Variants in CLSTN1 observed in about 807,000 individuals in gnomAD.
CLSTN1 encodes the protein calsyntenin-1.
Under a neutral mutation model 108.3 loss-of-function variants are expected in CLSTN1, and 28 were observed. That is an observed-to-expected ratio of 0.26 (90% CI 0.19 to 0.35). The LOEUF (loss-of-function observed/expected upper bound fraction) is 0.35, where lower values mean the gene tolerates loss of function less well. CLSTN1 is among the 10% of genes least tolerant of loss of function. The probability of loss-of-function intolerance (pLI) is 1.00; values close to 1 mark genes in which losing one functional copy is unlikely to be tolerated. For missense variants in CLSTN1, 1,157 were observed against 1,302.6 expected (o/e 0.89, Z 1.72); for synonymous variants, 524 against 534.9 (o/e 0.98, Z 0.28).
At chr1:9,744,323 A>T (rs1263974957) in intron 8 of CLSTN1, 72 bp downstream of exon 8, 2 of 1,530,788 alleles carry the variant, frequency 1.3e-6, no homozygotes, top group Non-Finnish European at 1.8e-6. Flanking sequence ...GGGAAAGGAG[A>T]GGGAGCCTGC....
intron 1 of CLSTN1, among the ~76,000 whole-genome samples, chr1:9,789,305 C>T (rs1653653535): frequency 1.3e-5 from 2 of 151,400 alleles, no homozygotes; most frequent in Admixed American, 1.3e-4. Flanking sequence ...TCCCACCAAC[C>T]GTGCACAAGG....
chr1:9,730,605 G>A lies in CLSTN1; in HGVS notation c.2849C>T (p.Ser950Leu), dbSNP rs778883380. The change falls in exon 19 of 19, where the codon TCG (serine) becomes TTG (leucine). Residue 950 changes from serine (S) to leucine (L), a missense_variant. By Grantham distance (145) the Ser-to-Leu change is moderately radical. Coordinates refer to ENST00000377298, the MANE Select transcript of CLSTN1 (RefSeq NM_001009566.3). This position sits in a 1 kb window ranked among gnomAD's most constrained non-coding sequence, Gnocchi z 5.6. ...CCCCTCCTCCTCCTCGCTGCTCTCCGACTCGGCGCTGGTGATGTCATCCTC... is the reference window on the plus strand; with the variant it reads ...CCCCTCCTCCTCCTCGCTGCTCTCCAACTCGGCGCTGGTGATGTCATCCTC... ...EEEDDITSAE[S>L]ESSEEEEGEQ... The A allele has an allele frequency of 6.8e-6, 11 of 1,609,944 alleles. No homozygotes were observed. Among genetic ancestry groups the A allele is most frequent in the South Asian group, 2.2e-5 (2 of 91,070 alleles).
At chr1:9,744,723 C>T (rs1164523383) in intron 7 of CLSTN1, 80 bp from the exon 8 acceptor site, 3 of 1,456,826 alleles carry the variant, frequency 2.1e-6, no homozygotes, top group Admixed American at 2.5e-5. Flanking sequence ...ACGTGCTTGT[C>T]TTACACTTAG....
At chr1:9,806,720 A>G (rs1250020497) in intron 1 of CLSTN1, among the ~76,000 whole-genome samples, 1 of 152,024 alleles carries the variant, frequency 6.6e-6, no homozygotes, top group African/African-American at 2.4e-5. Flanking sequence ...TCTACTAAAA[A>G]TACAAAAAAT....
intron 1 of CLSTN1, among the ~76,000 whole-genome samples, chr1:9,806,232 G>C (rs1179430474): frequency 6.6e-6 from 1 of 151,476 alleles, no homozygotes; most frequent in African/African-American, 2.4e-5. Context: ...GGGGGGTGGA[G>C]GGGGGGAGGT....
Position 9,819,984 on chromosome 1 carries a change from T to C in CLSTN1, c.91+3659A>G, listed in dbSNP as rs1570533067. Among the ~76,000 whole-genome samples the C allele has an allele frequency of 3.3e-5, 5 of 152,034 alleles. No homozygotes were observed. The South Asian group carries it at 8.3e-4, about 25-fold the overall frequency. On this transcript the variant is annotated intron_variant, in intron 1 of 18. Transcript: ENST00000377298. ...CTTCAAAGGCTGAGACAGAGTTTCA[T>C]GATCTAATATCCCCAATACTGCAAC...
intron 9 of CLSTN1, among the ~76,000 whole-genome samples, chr1:9,742,278 A>G (rs1570441466): frequency 6.6e-6 from 1 of 152,106 alleles, no homozygotes; most frequent in Non-Finnish European, 1.5e-5. Context: ...ATCATGACAT[A>G]CAGGCGGGCG....
intron 4 of CLSTN1, among the ~76,000 whole-genome samples, chr1:9,753,963 C>T (rs1651688165): frequency 6.6e-6 from 1 of 152,062 alleles, no homozygotes; most frequent in Non-Finnish European, 1.5e-5. Context: ...CAGGCATGTG[C>T]CACCATACCT....
intron 10 of CLSTN1, among the ~76,000 whole-genome samples, chr1:9,740,306 C>T (rs1250847272): frequency 1.3e-5 from 2 of 152,078 alleles, no homozygotes; most frequent in Non-Finnish European, 2.9e-5. Context: ...GTGATCTGCC[C>T]GCCTCAGCCT....
At chr1:9,794,322 T>C (rs1241248573) in intron 1 of CLSTN1, among the ~76,000 whole-genome samples, 2 of 151,416 alleles carry the variant, frequency 1.3e-5, no homozygotes, top group Non-Finnish European at 2.9e-5. Context: ...AATTAAATGT[T>C]GTTTGAGATT....
At chr1:9,796,471 T>G (rs1341351771) in intron 1 of CLSTN1, among the ~76,000 whole-genome samples, 3 of 144,404 alleles carry the variant, frequency 2.1e-5, no homozygotes, top group Non-Finnish European at 4.5e-5. Flanking sequence ...GGTCAGGAAA[T>G]CGAGACCATC....
At chr1:9,800,989 G>C (rs954177976) in intron 1 of CLSTN1, among the ~76,000 whole-genome samples, 1 of 151,946 alleles carries the variant, frequency 6.6e-6, no homozygotes, top group Non-Finnish European at 1.5e-5. Flanking sequence ...GCTCACACCT[G>C]TAATCCCAGC....
intron 1 of CLSTN1, among the ~76,000 whole-genome samples, chr1:9,820,058 G>A (rs1166793555): frequency 6.7e-6 from 1 of 148,432 alleles, no homozygotes; most frequent in Non-Finnish European, 1.5e-5. Flanking sequence ...TATTTTTGTA[G>A]TGACAAGGTT....
intron 7 of CLSTN1, 113 bp from the exon 8 acceptor site, chr1:9,744,756 CTTTT>C (rs796964858): frequency 3.8e-6 from 4 of 1,046,902 alleles, no homozygotes; most frequent in Non-Finnish European, 5.1e-6. Context: ...CTCCAGTTTA[CTTTT>C]TTTTTTTCTT....
chr1:9,770,288 A>G (rs1010673732), intron 2 of CLSTN1, among the ~76,000 whole-genome samples: 1 of 152,234 alleles, frequency 6.6e-6, no homozygotes, highest in African/African-American at 2.4e-5. Context: ...AGAATCTCTA[A>G]AAAATAAACT....
In CLSTN1 at chr1:9,744,777, C is replaced by T. The variant is rs960236305; in HGVS notation, c.986-134G>A. 110 of 1,120,560 alleles carry T rather than the reference C, an allele frequency of 9.8e-5. No individual in the cohort carries two copies. In the African/African-American group the frequency reaches 1.6e-3, roughly 16 times the overall value. The allele number at this position is 1,120,560 out of a possible 1,614,324, so 69.4% of individuals were successfully genotyped here. A position where few individuals can be genotyped will look rare whatever the true frequency, so the allele number is the denominator to read the frequency against. ...TTTACTTTTTTTTTTTCTTTCGAGA[C>T]AGAGTCTTGCTTTGTCCCCAGGCTG... On this transcript the variant is annotated intron_variant, in intron 7 of 18. Transcript: ENST00000377298.
Position 9,773,264 on chromosome 1 carries a change from G to C in CLSTN1, c.214+8C>G. 1 of 1,613,742 alleles carries C rather than the reference G, an allele frequency of 6.2e-7. No homozygotes were observed. Among genetic ancestry groups the C allele is most frequent in the East Asian group, 2.2e-5 (1 of 44,874 alleles). On this transcript the variant is annotated splice_region_variant and intron_variant, in intron 2 of 18. Coordinates refer to ENST00000377298, the MANE Select transcript of CLSTN1 (RefSeq NM_001009566.3). ...TTCATCAAGAGTCAATGAAAGCCCC[G>C]TTCCTACCTGCAAATCGCAGAGGCG...
At position 9,735,111 on chromosome 1, in the gene CLSTN1, C is replaced by A. The variant is rs1557690183; in HGVS notation, c.1947G>T (p.Gln649His). ...TCAGGCTGATCTTGGGCTCCTCGGG[C>A]TGTAAAACCATCACGTAGCCATCTA... ...PPVDGYVMVL[Q>H]PEEPKISLSG... Residue 649 changes from glutamine (Q) to histidine (H), a missense_variant, in exon 14 of 19, where the codon CAG becomes CAT. Coordinates refer to ENST00000377298, the MANE Select transcript of CLSTN1 (RefSeq NM_001009566.3). 6 of 1,614,222 alleles carry A rather than the reference C, an allele frequency of 3.7e-6. No homozygotes were observed. The highest frequency in any genetic ancestry group is 4.2e-6 in the Non-Finnish European group (5 of 1,180,042).
chr1:9,804,361 C>CAAA (rs35632390), intron 1 of CLSTN1, among the ~76,000 whole-genome samples: 3 of 65,122 alleles, frequency 4.6e-5, no homozygotes, highest in Non-Finnish European at 6.7e-5. Flanking sequence ...GACTCCATCT[C>CAAA]AAAAAAAAAA....
Sources: gnomAD v4.1 joint callset for allele counts (sites outside exome capture counted in the v4.1 genomes callset) on GRCh38, gnomAD v4.1.1 for gene constraint, Gnocchi (gnomAD v3.1) non-coding constraint, MANE v1.5 for transcripts, NCBI Gene and HGNC (gene_info 2026-07-23, HGNC 2026-07-21) for gene names.